Variants in COMMD2 observed in about 807,000 individuals in gnomAD.
COMMD2 encodes the protein COMM domain-containing protein 2.
A neutral mutation model predicts 22.5 loss-of-function variants in COMMD2; 25 were observed. The ratio of observed to expected loss-of-function variants is 1.11; its 90% CI spans 0.81 to 1.55. The LOEUF is 1.55. Ranked by LOEUF, COMMD2 falls within the 40% of genes most tolerant of loss-of-function variation. The pLI is 0.00. For missense variants in COMMD2, 223 were observed against 232.9 expected (o/e 0.96, Z 0.28); for synonymous variants, 98 against 91.2 (o/e 1.07, Z -0.42).
Position 149,750,689 on chromosome 3 carries a change from G to A in COMMD2, c.391C>T (p.Leu131=). 1 of 1,571,032 alleles carries A rather than the reference G, an allele frequency of 6.4e-7. No homozygotes were observed. The highest frequency in any genetic ancestry group is 8.6e-7 in the Non-Finnish European group (1 of 1,158,026). ...TAAAAATGCTATACCTGTACATCTA[G>A]TCGCCATTCAAGGTTATGATAACTG... ...LPSYHNLEWR[L]DVQLASRSLR... is the part of the protein sequence containing the mutation. The change falls in exon 4 of 5, where the codon CTA becomes TTA. Residue 131 remains leucine, a synonymous_variant. Transcript: ENST00000473414.
chr3:149,745,152 T>C (rs866264450), intron 4 of COMMD2, among the ~76,000 whole-genome samples: 3 of 152,150 alleles, frequency 2.0e-5, no homozygotes, highest in South Asian at 2.1e-4. Context: ...CGGGTTATTA[T>C]TAAAGGACCT....
intron 2 of COMMD2, 81 bp from the exon 3 acceptor site, chr3:149,751,566 A>C: frequency 8.2e-7 from 1 of 1,219,582 alleles, no homozygotes; most frequent in Non-Finnish European, 1.1e-6. Flanking sequence ...AAAAATAAAC[A>C]CTATTCATTA....
rs10935774 is a variant in COMMD2, at chr3:149,739,139, A to G, written c.*2382T>C. 0.44 allele frequency: 67,300 copies of G among 152,018 alleles called. 15,208 individuals carry two copies. The highest frequency in any genetic ancestry group is 0.58 in the Middle Eastern group (168 of 292). The allele number at this position is 152,018 out of a possible 1,614,324, so 9.4% of individuals were successfully genotyped here. On this transcript the variant is annotated 3_prime_UTR_variant, in exon 5 of 5. Coordinates refer to ENST00000473414, the MANE Select transcript of COMMD2 (RefSeq NM_016094.4). ...CATACTCATAATCCAAAAAGCTTCA[A>G]TAGAAATTTAGATAGTTATAGAAGG...
intron 4 of COMMD2, among the ~76,000 whole-genome samples, chr3:149,749,280 G>A (rs562225737): frequency 2.6e-5 from 4 of 152,228 alleles, no homozygotes; most frequent in African/African-American, 7.2e-5. Context: ...CTGAGCCACC[G>A]TGCATGGCCT....
At position 149,752,437 on chromosome 3, in the gene COMMD2, A is replaced by G. The variant is rs1716562137; in HGVS notation, c.8T>C (p.Leu3Pro). Residue 3 changes from leucine (L) to proline (P), a missense_variant, in exon 1 of 5, where the codon CTG (leucine) becomes CCG (proline). Transcript: ENST00000473414. ML[L>P]ELSEEHKEHL... is the part of the protein sequence containing the mutation. The stretch of plus-strand genomic sequence containing the variant: ...TTCCTTATGCTCCTCGGACAATTCC[A>G]GCAGCATCTTCACTGTCCTACGATT... 1.2e-5 allele frequency: 20 copies of G among 1,613,482 alleles called. No individual in the cohort carries two copies. The highest frequency in any genetic ancestry group is 1.7e-5 in the Admixed American group (1 of 59,908).
At chr3:149,746,335 C>T (rs1033367216) in intron 4 of COMMD2, among the ~76,000 whole-genome samples, 1 of 151,816 alleles carries the variant, frequency 6.6e-6, no homozygotes, top group South Asian at 2.1e-4. Flanking sequence ...AAGGAAGAGG[C>T]CAAAAATACT....
At chr3:149,751,306 T>C in intron 3 of COMMD2, 97 bp downstream of exon 3, 4 of 1,562,488 alleles carry the variant, frequency 2.6e-6, no homozygotes, top group Non-Finnish European at 3.5e-6. Context: ...AACAACATTA[T>C]TAAAACACAC....
In COMMD2 at chr3:149,739,670, TATC is replaced by T. The variant is rs2108246750; in HGVS notation, c.*1848_*1850del. ...TAAAAACCCTTACAGAGGTATTTTT[TATC>T]ATATGTTTTGCAGGCATGTTGCTTT... On this transcript the variant is annotated 3_prime_UTR_variant, in exon 5 of 5. Transcript: ENST00000473414. The T allele has an allele frequency of 6.6e-6, 1 of 152,364 alleles. No individual in the cohort carries two copies. Among genetic ancestry groups the T allele is most frequent in the South Asian group, 2.1e-4 (1 of 4,828 alleles). The allele number at this position is 152,364 out of a possible 1,614,324, so 9.4% of individuals were successfully genotyped here.
intron 2 of COMMD2, 55 bp downstream of exon 2, chr3:149,752,155 G>A: frequency 7.0e-7 from 1 of 1,436,614 alleles, no homozygotes; most frequent in Non-Finnish European, 9.7e-7. Flanking sequence ...GGGAGACAGG[G>A]AATGGCTCGC....
At chr3:149,749,771 A>G (rs1716480044) in intron 4 of COMMD2, among the ~76,000 whole-genome samples, 1 of 152,226 alleles carries the variant, frequency 6.6e-6, no homozygotes. Flanking sequence ...ACGCCAGCAC[A>G]TACACACAAC....
chr3:149,751,831 C>CTTTTT, intron 2 of COMMD2: 1 of 196,400 alleles, frequency 5.1e-6, no homozygotes, highest in Non-Finnish European at 9.9e-6. Flanking sequence ...TAAAACAACA[C>CTTTTT]TTTTTTTTTT....
At chr3:149,748,852 C>T (rs906497736) in intron 4 of COMMD2, among the ~76,000 whole-genome samples, 5 of 152,266 alleles carry the variant, frequency 3.3e-5, no homozygotes, top group South Asian at 4.1e-4. Context: ...AAGAAAGAGT[C>T]GAGTCAAGAG....
chr3:149,741,368 G>C lies in COMMD2; in HGVS notation c.*153C>G. On this transcript the variant is annotated 3_prime_UTR_variant, in exon 5 of 5. Coordinates refer to ENST00000473414, the MANE Select transcript of COMMD2 (RefSeq NM_016094.4). The stretch of plus-strand genomic sequence containing the variant: ...GGCATGAGCCACTGCACCCAGCTTA[G>C]CTTCTGATTATGACCTCAGTATCTT... The C allele has an allele frequency of 1.4e-6, 1 of 690,288 alleles. No homozygotes were observed. 42.8% of individuals were successfully genotyped at this position (690,288 alleles called of 1,614,324 possible). A position where few individuals can be genotyped will look rare whatever the true frequency, so the allele number is the denominator to read the frequency against.
chr3:149,750,645 T>C, intron 4 of COMMD2, 33 bp downstream of exon 4: 1 of 1,421,554 alleles, frequency 7.0e-7, no homozygotes, highest in Non-Finnish European at 9.5e-7. Context: ...AATTCTTATA[T>C]TCTATGTTAA....
At chr3:149,742,418 T>G (rs889186374) in intron 4 of COMMD2, among the ~76,000 whole-genome samples, 1 of 152,228 alleles carries the variant, frequency 6.6e-6, no homozygotes, top group Non-Finnish European at 1.5e-5. Flanking sequence ...TAACCTCTTA[T>G]ATACATTTAT....
intron 4 of COMMD2, among the ~76,000 whole-genome samples, chr3:149,745,804 A>G (rs980507326): frequency 6.6e-6 from 1 of 152,212 alleles, no homozygotes; most frequent in Non-Finnish European, 1.5e-5. Context: ...AGACAGGTAC[A>G]TCTTTCTTCT....
intron 2 of COMMD2, chr3:149,751,764 A>G (rs1385702020): frequency 3.4e-6 from 1 of 290,400 alleles, no homozygotes. Context: ...CAAGTCTGGC[A>G]GAAGAGGAAC....
At chr3:149,745,669 A>G (rs2108250386) in intron 4 of COMMD2, among the ~76,000 whole-genome samples, 1 of 152,336 alleles carries the variant, frequency 6.6e-6, no homozygotes, top group East Asian at 1.9e-4. Flanking sequence ...GGATGGATTA[A>G]TGGGACATAA....
Position 149,751,404 on chromosome 3 carries a change from A to G in COMMD2, c.227T>C (p.Met76Thr). 1.2e-6 allele frequency: 2 copies of G among 1,614,034 alleles called. No individual in the cohort carries two copies. The highest frequency in any genetic ancestry group is 1.7e-6 in the Non-Finnish European group (2 of 1,179,902). ...AAAACAGTCCAGAAAATCCCTTACC[A>G]TGAGCTTTGAGCTCTCAGTGAGGAG... ...TYLLTESSKL[M>T]ISELDFQDSV... Residue 76 changes from methionine (M) to threonine (T), a missense_variant and splice_region_variant, in exon 3 of 5, where the codon ATG becomes ACG. Physicochemically the swap from Met to Thr is moderately conservative, Grantham distance 81. Transcript: ENST00000473414.
Sources: gnomAD v4.1 joint callset for allele counts (sites outside exome capture counted in the v4.1 genomes callset) on GRCh38, gnomAD v4.1.1 for gene constraint, MANE v1.5 for transcripts, NCBI Gene and HGNC (gene_info 2026-07-23, HGNC 2026-07-21) for gene names.